Variants in SPTLC3 observed in about 807,000 individuals in gnomAD.
SPTLC3 encodes the protein serine palmitoyltransferase 3.
A neutral mutation model predicts 59.3 loss-of-function variants in SPTLC3; 36 were observed. That is an observed-to-expected ratio of 0.61 (90% CI 0.47 to 0.80). The LOEUF is 0.80. Ranked by LOEUF, SPTLC3 falls within the 30% of genes least tolerant of loss-of-function variation. The probability of loss-of-function intolerance (pLI) is 0.00; values close to 1 mark genes in which losing one functional copy is unlikely to be tolerated. For synonymous variants in SPTLC3, 257 were observed against 240.8 expected (o/e 1.07, Z -0.62); for missense variants, 625 against 685.1 (o/e 0.91, Z 0.98).
intron 6 of SPTLC3, among the ~76,000 whole-genome samples, chr20:13,104,649 A>C (rs1340680784): frequency 6.6e-6 from 1 of 152,138 alleles, no homozygotes; most frequent in Non-Finnish European, 1.5e-5. Context: ...TAGTGAGTCA[A>C]ATTTTGTGCT....
At chr20:13,140,058 A>G (rs1325980343) in intron 9 of SPTLC3, among the ~76,000 whole-genome samples, 1 of 152,154 alleles carries the variant, frequency 6.6e-6, no homozygotes, top group Non-Finnish European at 1.5e-5. Context: ...CAGAAAATAG[A>G]CCCTGAAGAT....
At chr20:13,057,648 A>G (rs144353473) in intron 2 of SPTLC3, among the ~76,000 whole-genome samples, 2 of 152,366 alleles carry the variant, frequency 1.3e-5, no homozygotes, top group East Asian at 3.9e-4. Flanking sequence ...CTTCCAAGAC[A>G]GCACTAAAAA....
intron 11 of SPTLC3, 129 bp downstream of exon 11, chr20:13,160,261 G>A (rs1023948110): frequency 2.6e-6 from 3 of 1,147,324 alleles, no homozygotes; most frequent in Non-Finnish European, 2.3e-6. Context: ...ACTGACAAAA[G>A]TCACTGCCAA....
At chr20:13,152,320 G>A (rs6041908) in intron 9 of SPTLC3, among the ~76,000 whole-genome samples, 5,843 of 152,194 alleles carry the variant, frequency 0.038, 163 homozygotes, top group African/African-American at 0.08. Flanking sequence ...AATTATTGTC[G>A]TTATTACTAT....
chr20:13,075,134 C>CAAAAA (rs34927240), intron 4 of SPTLC3, among the ~76,000 whole-genome samples: 1 of 137,100 alleles, frequency 7.3e-6, no homozygotes, highest in Non-Finnish European at 1.6e-5. Context: ...TTCATTTATT[C>CAAAAA]AAAAAAAAAA....
intron 1 of SPTLC3, among the ~76,000 whole-genome samples, chr20:13,015,197 A>T (rs374781568): frequency 3.9e-4 from 60 of 152,314 alleles, no homozygotes; most frequent in African/African-American, 1.4e-3. Flanking sequence ...TTGGCAAAGG[A>T]GAAAAGGGAT....
intron 4 of SPTLC3, among the ~76,000 whole-genome samples, chr20:13,081,664 T>C (rs904103365): frequency 6.6e-6 from 1 of 152,184 alleles, no homozygotes; most frequent in Non-Finnish European, 1.5e-5. Context: ...CGTAAATCAA[T>C]GTAACAAACA....
At chr20:13,145,687 T>C (rs2038493328) in intron 9 of SPTLC3, among the ~76,000 whole-genome samples, 1 of 151,996 alleles carries the variant, frequency 6.6e-6, no homozygotes, top group Admixed American at 6.5e-5. Flanking sequence ...GCCAAGGCAA[T>C]CCTAAGTAAA....
chr20:13,164,988 T>G lies in SPTLC3; in HGVS notation c.*121T>G. ...GACAATTTTGGTTCCCAGACCAGCT[T>G]GATTGAACTGAGGGAGACGTTGTTG... On this transcript the variant is annotated 3_prime_UTR_variant, in exon 12 of 12. Transcript: ENST00000399002. 1 of 720,590 alleles carries G rather than the reference T, an allele frequency of 1.4e-6. No individual in the cohort carries two copies. The allele number at this position is 720,590 out of a possible 1,614,324, so 44.6% of individuals were successfully genotyped here.
Position 13,117,579 on chromosome 20 carries a change from G to A in SPTLC3, c.1006G>A (p.Asp336Asn). Reference protein sequence around the residue: ...KKKYKAYLYIDEAHSIGAVGP... With the variant: ...KKKYKAYLYINEAHSIGAVGP... The stretch of plus-strand genomic sequence containing the variant: ...GAAATACAAGGCTTACCTCTACATA[G>A]ATGAAGCTCACAGTATTGGGGCCGT... Residue 336 changes from aspartate to asparagine, a missense_variant, in exon 8 of 12, where the codon GAT becomes AAT. Transcript: ENST00000399002. 1 of 1,612,894 alleles carries A rather than the reference G, an allele frequency of 6.2e-7. No individual in the cohort carries two copies. Among genetic ancestry groups the A allele is most frequent in the Non-Finnish European group, 8.5e-7 (1 of 1,179,356 alleles).
At chr20:13,075,550 G>A (rs1409133730) in intron 4 of SPTLC3, among the ~76,000 whole-genome samples, 1 of 152,124 alleles carries the variant, frequency 6.6e-6, no homozygotes, top group African/African-American at 2.4e-5. Flanking sequence ...TTAATAGTGG[G>A]TGCACAGATT....
chr20:13,022,350 T>C (rs944418130), intron 1 of SPTLC3, among the ~76,000 whole-genome samples: 1 of 152,214 alleles, frequency 6.6e-6, no homozygotes, highest in African/African-American at 2.4e-5. Flanking sequence ...CTCTTTTATC[T>C]GTGTTCCACT....
At chr20:13,105,984 TTTA>T (rs1393259847) in intron 6 of SPTLC3, among the ~76,000 whole-genome samples, 2 of 152,158 alleles carry the variant, frequency 1.3e-5, no homozygotes, top group Non-Finnish European at 2.9e-5. Flanking sequence ...TAGGTGAAAG[TTTA>T]TTAACTGAAA....
At position 13,072,418 on chromosome 20, in the gene SPTLC3, A is replaced by G. The variant is rs1302983038; in HGVS notation, c.458+8A>G. ...CTATAACTGGACGTTTAGGTGAGAG[A>G]ACTTCTTGGAGGGGATTGGTGAAAA... On this transcript the variant is annotated splice_region_variant and intron_variant, in intron 3 of 11. Transcript: ENST00000399002. The G allele has an allele frequency of 1.3e-6, 2 of 1,570,798 alleles. No individual in the cohort carries two copies. The highest frequency in any genetic ancestry group is 1.7e-6 in the Non-Finnish European group (2 of 1,161,742).
intron 2 of SPTLC3, among the ~76,000 whole-genome samples, chr20:13,054,099 A>G (rs1373584712): frequency 1.3e-5 from 2 of 152,170 alleles, no homozygotes; most frequent in East Asian, 3.9e-4. Flanking sequence ...ATCAAGAGAG[A>G]AAAGGAATCT....
At chr20:13,015,189 G>A (rs994540128) in intron 1 of SPTLC3, among the ~76,000 whole-genome samples, 3 of 152,054 alleles carry the variant, frequency 2.0e-5, no homozygotes, top group African/African-American at 7.2e-5. Flanking sequence ...CACTGTGTTT[G>A]GCAAAGGAGA....
chr20:13,053,449 C>CA (rs1419497677), intron 2 of SPTLC3, among the ~76,000 whole-genome samples: 2 of 151,940 alleles, frequency 1.3e-5, no homozygotes, highest in Non-Finnish European at 2.9e-5. Flanking sequence ...AAAACCAGCA[C>CA]AAAAAAAGGC....
At chr20:13,125,886 A>G (rs1165714238) in intron 8 of SPTLC3, among the ~76,000 whole-genome samples, 1 of 152,238 alleles carries the variant, frequency 6.6e-6, no homozygotes, top group Non-Finnish European at 1.5e-5. Context: ...GCAACTGCGA[A>G]GTTGGATTGC....
At chr20:13,046,641 T>G (rs554409649) in intron 1 of SPTLC3, among the ~76,000 whole-genome samples, 1 of 152,172 alleles carries the variant, frequency 6.6e-6, no homozygotes, top group South Asian at 2.1e-4. Context: ...TGGAGATCGA[T>G]GTAGTCTAAA....
Sources: allele counts gnomAD v4.1 joint callset (sites outside exome capture counted in the v4.1 genomes callset), GRCh38; gene constraint gnomAD v4.1.1; transcripts MANE v1.5; gene names NCBI Gene and HGNC (gene_info 2026-07-23, HGNC 2026-07-21).